SURF4: variants seen among roughly 807,000 people sequenced by gnomAD.
SURF4 encodes surfeit locus protein 4.
A neutral mutation model predicts 30.0 loss-of-function variants in SURF4; 3 were observed. The observed-to-expected ratio is 0.10, with a 90% confidence interval of 0.05 to 0.26. The LOEUF is 0.26. SURF4 is among the 10% of genes least tolerant of loss of function. The pLI is 1.00. For synonymous variants in SURF4, 143 were observed against 139.9 expected (o/e 1.02, Z -0.16); for missense variants, 217 against 350.8 (o/e 0.62, Z 3.05).
upstream of SURF4, among the ~76,000 whole-genome samples, chr9:133,377,232 T>A (rs1837999045): frequency 6.6e-6 from 1 of 151,496 alleles, no homozygotes; most frequent in South Asian, 2.1e-4. Context: ...TAAAAAAAAA[T>A]AGACGTTTCA....
chr9:133,372,570 G>A, intron 1 of SURF4: 9 of 984,496 alleles, frequency 9.1e-6, no homozygotes, highest in Non-Finnish European at 1.1e-5. Flanking sequence ...CACTGGGCCT[G>A]GGAAACTAAG....
chr9:133,366,489 C>T lies in SURF4; in HGVS notation c.312+110G>A, dbSNP rs1241936865. On this transcript the variant is annotated intron_variant, in intron 3 of 5. Coordinates refer to ENST00000371989, the MANE Select transcript of SURF4 (RefSeq NM_033161.4). ...GAAAGGAGCTCCAGGCAGTCAGAGA[C>T]ATGCAGGGGGCTGAAGGGGGAGTGA... 7.4e-6 allele frequency: 9 copies of T among 1,213,108 alleles called. No homozygotes were observed. The East Asian group carries it at 9.4e-5, about 13-fold the overall frequency. 75.1% of individuals were successfully genotyped at this position (1,213,108 alleles called of 1,614,324 possible).
intron 1 of SURF4, chr9:133,370,996 G>T (rs1837475571): frequency 1.6e-6 from 2 of 1,285,862 alleles, no homozygotes; most frequent in Non-Finnish European, 2.0e-6. Context: ...CTCTCAAAGG[G>T]GTGGTTATTT....
intron 1 of SURF4, among the ~76,000 whole-genome samples, chr9:133,369,326 G>A (rs1255765785): frequency 6.6e-6 from 1 of 152,210 alleles, no homozygotes; most frequent in East Asian, 1.9e-4. Flanking sequence ...ATGAAGTGCA[G>A]GTGGAGGTTC....
In SURF4 at chr9:133,373,164, T is replaced by C. The variant is rs2130204033; in HGVS notation, c.48+2758A>G. On this transcript the variant is annotated intron_variant, in intron 1 of 5. Coordinates refer to ENST00000371989, the MANE Select transcript of SURF4 (RefSeq NM_033161.4). ...GCGCTGGGGACCAAGACCCGGCTTT[T>C]CTTGGTCTTGGTCACAGGCAAGTCT... 3.4e-4 allele frequency among the ~76,000 whole-genome samples: 52 copies of C among 152,344 alleles called. No homozygotes were observed. The East Asian group carries it at 8.3e-3, about 24-fold the overall frequency.
intron 2 of SURF4, 77 bp from the exon 3 acceptor site, chr9:133,366,752 C>T: frequency 7.2e-7 from 1 of 1,390,132 alleles, no homozygotes; most frequent in Non-Finnish European, 1.0e-6. Flanking sequence ...ACTGCTACCT[C>T]ACCTGGCCCT....
upstream of SURF4, among the ~76,000 whole-genome samples, chr9:133,377,270 A>AG (rs1261368791): frequency 6.6e-6 from 1 of 152,174 alleles, no homozygotes; most frequent in African/African-American, 2.4e-5. Flanking sequence ...GGAAAAAAAA[A>AG]TAGACTTGAT....
At position 133,363,718 on chromosome 9, in the gene SURF4, C is replaced by T; in HGVS notation, c.585G>A (p.Val195=). 1 of 1,614,162 alleles carries T rather than the reference C, an allele frequency of 6.2e-7. No individual in the cohort carries two copies. Among genetic ancestry groups the T allele is most frequent in the African/African-American group, 1.3e-5 (1 of 75,040 alleles). Residue 195 remains valine, a synonymous_variant, in exon 6 of 6, where the codon GTG becomes GTA. Transcript: ENST00000371989. This position sits in a 1 kb window ranked among gnomAD's most constrained non-coding sequence, Gnocchi z 4.3. Reference sequence around the variant, plus strand: ...CCAGCTTGGTTTTAAAACCAATGGCCACTAAAATCATCAGAGCTGTGCCCA... The same window carrying T: ...CCAGCTTGGTTTTAAAACCAATGGCTACTAAAATCATCAGAGCTGTGCCCA... ...NIVGTALMIL[V]AIGFKTKLAA...
intron 1 of SURF4, chr9:133,372,479 G>C (rs1588719310): frequency 1.7e-6 from 1 of 602,616 alleles, no homozygotes; most frequent in Non-Finnish European, 2.1e-6. Context: ...ACCTCCTACA[G>C]TCAAGAAGTT....
rs2130088963 is a variant in SURF4, at chr9:133,363,595, T to C, written c.708A>G (p.Lys236=). ...CCGACATGGTCTGGAAGAAGTCGTATTTCAGGAAGTCATGCATGGGCTTGT... is the reference window on the plus strand; with the variant it reads ...CCGACATGGTCTGGAAGAAGTCGTACTTCAGGAAGTCATGCATGGGCTTGT... The part of the protein sequence containing the change: ...PVYKPMHDFL[K]YDFFQTMSVI... Residue 236 remains lysine (K), a synonymous_variant, in exon 6 of 6, where the codon AAA becomes AAG. Coordinates refer to ENST00000371989, the MANE Select transcript of SURF4 (RefSeq NM_033161.4). This position sits in a 1 kb window ranked among gnomAD's most constrained non-coding sequence, Gnocchi z 4.3. 1 of 1,614,186 alleles carries C rather than the reference T, an allele frequency of 6.2e-7. No individual in the cohort carries two copies. The highest frequency in any genetic ancestry group is 8.5e-7 in the Non-Finnish European group (1 of 1,180,036).
Position 133,367,399 on chromosome 9 carries a change from C to G in SURF4, c.95G>C (p.Cys32Ser), listed in dbSNP as rs2130141470. 5.6e-6 allele frequency: 9 copies of G among 1,614,044 alleles called. No individual in the cohort carries two copies. The highest frequency in any genetic ancestry group is 1.6e-4 in the Middle Eastern group (1 of 6,080). The change falls in exon 2 of 6, where the codon TGT (cysteine) becomes TCT (serine). Residue 32 changes from cysteine (C) to serine (S), a missense_variant. Cys to Ser is a moderately radical substitution (Grantham distance 112, BLOSUM62 -1). Coordinates refer to ENST00000371989, the MANE Select transcript of SURF4 (RefSeq NM_033161.4). ...GTCCTCCAGGAAGGTGCTGATCAGA[C>G]AGAGGCGCGCCACGTGGGGCAGGTA... ...KQYLPHVARL[C>S]LISTFLEDGI...
intron 1 of SURF4, among the ~76,000 whole-genome samples, chr9:133,370,650 C>T (rs997759934): frequency 6.6e-6 from 1 of 152,146 alleles, no homozygotes; most frequent in African/African-American, 2.4e-5. Context: ...CAGAGAAGAG[C>T]CCTCAACACA....
intron 1 of SURF4, among the ~76,000 whole-genome samples, chr9:133,374,072 T>C (rs2130219349): frequency 6.6e-6 from 1 of 151,938 alleles, no homozygotes; most frequent in African/African-American, 2.4e-5. Context: ...CAAATCCAGG[T>C]TTTCCAGGAC....
rs1488572675 is a variant in SURF4, at chr9:133,363,918, C to T, written c.544-159G>A. The T allele has an allele frequency of 3.4e-6, 3 of 895,334 alleles. No individual in the cohort carries two copies. The highest frequency in any genetic ancestry group is 3.6e-6 in the Non-Finnish European group (2 of 548,110). The allele number at this position is 895,334 out of a possible 1,614,324, so 55.5% of individuals were successfully genotyped here. A position where few individuals can be genotyped will look rare whatever the true frequency, so the allele number is the denominator to read the frequency against. On this transcript the variant is annotated intron_variant, in intron 5 of 5. Coordinates refer to ENST00000371989, the MANE Select transcript of SURF4 (RefSeq NM_033161.4). This position sits in a 1 kb window ranked among gnomAD's most constrained non-coding sequence, Gnocchi z 4.3. ...CTGGTGCAAGTAGGGAGATAAAAGC[C>T]AAAGGGAGGCAGGAGGCAATAAAGC... is the stretch of plus-strand genomic sequence containing the variant.
At chr9:133,371,808 A>G (rs1837524363) in intron 1 of SURF4, among the ~76,000 whole-genome samples, 1 of 152,212 alleles carries the variant, frequency 6.6e-6, no homozygotes, top group Non-Finnish European at 1.5e-5. Flanking sequence ...AGGGGTCCTC[A>G]GGCCTATCCT....
chr9:133,367,526 G>C (rs2130144904), intron 1 of SURF4, 81 bp from the exon 2 acceptor site: 1 of 1,594,248 alleles, frequency 6.3e-7, no homozygotes, highest in Non-Finnish European at 8.5e-7. Flanking sequence ...CTTGGGCGGG[G>C]TGTGTGAGGA....
chr9:133,376,066 G>C (rs1029759121), upstream of SURF4: 15 of 1,207,250 alleles, frequency 1.2e-5, no homozygotes, highest in East Asian at 3.4e-5. Flanking sequence ...GAAGTGCCCG[G>C]CGGCCGGCCT....
intron 2 of SURF4, 129 bp downstream of exon 2, chr9:133,367,130 C>A (rs2130135849): frequency 1.6e-6 from 2 of 1,247,896 alleles, no homozygotes; most frequent in Non-Finnish European, 2.2e-6. Flanking sequence ...CACAGCTGAG[C>A]TGGAGAAGAG....
Position 133,363,889 on chromosome 9 carries a change from G to T in SURF4, c.544-130C>A. ...GGCTGATGTAGCTACTGCTGAGACG[G>T]CTGCTGGTGCAAGTAGGGAGATAAA... On this transcript the variant is annotated intron_variant, in intron 5 of 5. Coordinates refer to ENST00000371989, the MANE Select transcript of SURF4 (RefSeq NM_033161.4). The surrounding 1 kb of genome is among the most constrained non-coding windows in gnomAD (Gnocchi z 4.3). 8.5e-7 allele frequency: 1 copy of T among 1,173,912 alleles called. No homozygotes were observed. Among genetic ancestry groups the T allele is most frequent in the Non-Finnish European group, 1.3e-6 (1 of 799,664 alleles). 72.7% of individuals were successfully genotyped at this position (1,173,912 alleles called of 1,614,324 possible).
Sources: gnomAD v4.1 joint callset for allele counts (sites outside exome capture counted in the v4.1 genomes callset) on GRCh38, gnomAD v4.1.1 for gene constraint, Gnocchi (gnomAD v3.1) non-coding constraint, MANE v1.5 for transcripts, NCBI Gene and HGNC (gene_info 2026-07-23, HGNC 2026-07-21) for gene names.